OMA1: variants seen among roughly 807,000 people sequenced by gnomAD.
The protein encoded by OMA1 is OMA1 zinc metallopeptidase, also known as metalloendopeptidase OMA1, mitochondrial.
Under a neutral mutation model 30.9 loss-of-function variants are expected in OMA1, and 38 were observed. The observed-to-expected ratio is 1.23, with a 90% CI of 0.95 to 1.61. OMA1 has a LOEUF of 1.61. Ranked by LOEUF, OMA1 falls within the 40% of genes most tolerant of loss-of-function variation. The probability of loss-of-function intolerance (pLI) is 0.00; values close to 1 mark genes in which losing one functional copy is unlikely to be tolerated. For missense variants in OMA1, 461 were observed against 349.2 expected (o/e 1.32, Z -2.55); for synonymous variants, 173 against 121.9 (o/e 1.42, Z -2.76).
chr1:58,486,963 AG>A (rs1204868319), intron 8 of OMA1, among the ~76,000 whole-genome samples: 1 of 152,228 alleles, frequency 6.6e-6, no homozygotes, highest in Non-Finnish European at 1.5e-5. Flanking sequence ...TGGAAGACAT[AG>A]GAAGAGTCTG....
At chr1:58,518,860 T>G (rs938296378) in intron 7 of OMA1, among the ~76,000 whole-genome samples, 4 of 152,188 alleles carry the variant, frequency 2.6e-5, no homozygotes, top group African/African-American at 9.7e-5. Flanking sequence ...CTAAGAATTT[T>G]AATTATATTA....
chr1:58,530,468 A>G (rs1020440517), intron 6 of OMA1, 133 bp downstream of exon 6: 5 of 572,674 alleles, frequency 8.7e-6, no homozygotes, highest in African/African-American at 3.7e-5. Flanking sequence ...ACGAGAAAAC[A>G]TAAGACACTA....
intron 3 of OMA1, among the ~76,000 whole-genome samples, chr1:58,536,162 G>A (rs17506467): frequency 0.12 from 17,692 of 152,060 alleles, 1,230 homozygotes; most frequent in African/African-American, 0.18. Context: ...AGCAATGGGC[G>A]CAACTACAAA....
Position 58,539,063 on chromosome 1 carries a change from T to C in OMA1, c.232A>G (p.Arg78Gly), listed in dbSNP as rs776778354. 1.1e-6 allele frequency: 1 copy of C among 872,968 alleles called. No individual in the cohort carries two copies. The highest frequency in any genetic ancestry group is 1.3e-5 in the South Asian group (1 of 76,546). 54.1% of individuals were successfully genotyped at this position (872,968 alleles called of 1,614,324 possible). ...TTGGTACTTGAGAGGCCTCCTGTTC[T>C]TTTGTTGTTAAAAGTACTATAAAAA... ...FHFYSTFNNK[R>G]TGGLSSTKSK... Residue 78 changes from arginine (R) to glycine (G), a missense_variant, in exon 2 of 9, where the codon AGA becomes GGA. By Grantham distance (125) the Arg-to-Gly change is moderately radical (BLOSUM62 -2). Coordinates refer to ENST00000371226, the MANE Select transcript of OMA1 (RefSeq NM_145243.5).
chr1:58,489,325 CCA>C (rs1264716461), intron 8 of OMA1, among the ~76,000 whole-genome samples: 1 of 152,184 alleles, frequency 6.6e-6, no homozygotes, highest in Admixed American at 6.5e-5. Flanking sequence ...GGTCCTACGC[CCA>C]CAGAGCCTCG....
chr1:58,497,098 T>G (rs75329925), intron 8 of OMA1, among the ~76,000 whole-genome samples: 1 of 152,182 alleles, frequency 6.6e-6, no homozygotes, highest in Non-Finnish European at 1.5e-5. Flanking sequence ...CTTCCCAAAA[T>G]TTAATCTCTA....
rs941645098 is a variant in OMA1 at position 58,539,113 on chromosome 1, C to T, written c.182G>A (p.Trp61Ter). 2 of 872,798 alleles carry T rather than the reference C, an allele frequency of 2.3e-6. No homozygotes were observed. The highest frequency in any genetic ancestry group is 1.7e-5 in the Admixed American group (1 of 59,158). The allele number at this position is 872,798 out of a possible 1,614,324, so 54.1% of individuals were successfully genotyped here. ...QGLGVNQCDR[W>*]SFLPGNFHFY... is the part of the protein sequence containing the mutation. ...ATGAAAGTTTCCAGGCAGAAAACTC[C>T]ACCTGTCACACTGATTTACTCCCAG... Residue 61 changes from tryptophan (W) to a stop codon, truncating the protein, a stop_gained, in exon 2 of 9, where the codon TGG (tryptophan) becomes TAG (stop). Transcript: ENST00000371226. LOFTEE classifies it high-confidence loss of function.
At chr1:58,535,111 TGAAAG>T (rs771774739) in intron 3 of OMA1, among the ~76,000 whole-genome samples, 46 of 152,300 alleles carry the variant, frequency 3.0e-4, no homozygotes, top group Non-Finnish European at 3.5e-4. Context: ...ACTCACAGAT[TGAAAG>T]GAAATTACTG....
chr1:58,509,218 A>T (rs191785329), intron 7 of OMA1, among the ~76,000 whole-genome samples: 98 of 152,292 alleles, frequency 6.4e-4, no homozygotes, highest in South Asian at 2.1e-3. Context: ...AACTGACCCT[A>T]ATGAAAGAGA....
intron 1 of OMA1, among the ~76,000 whole-genome samples, chr1:58,540,282 G>GA (rs142462867): frequency 0.14 from 20,054 of 144,736 alleles, 1,474 homozygotes; most frequent in African/African-American, 0.2. Flanking sequence ...TGCATCCCAG[G>GA]AAAAAAAAAA....
intron 8 of OMA1, among the ~76,000 whole-genome samples, chr1:58,491,372 C>A (rs1645685691): frequency 1.3e-5 from 2 of 152,082 alleles, no homozygotes; most frequent in South Asian, 2.1e-4. Context: ...AGCAAAATAA[C>A]CAGCTAACAT....
chr1:58,531,741 G>T (rs1646437452), intron 5 of OMA1, among the ~76,000 whole-genome samples: 1 of 151,142 alleles, frequency 6.6e-6, no homozygotes, highest in Admixed American at 6.6e-5. Flanking sequence ...ACAGAGTCTT[G>T]CCCTGTTGCC....
At chr1:58,488,614 G>C (rs1035991971) in intron 8 of OMA1, among the ~76,000 whole-genome samples, 2 of 151,822 alleles carry the variant, frequency 1.3e-5, no homozygotes, top group African/African-American at 2.4e-5. Flanking sequence ...ACCATGTCTC[G>C]CTAATTTTTG....
At chr1:58,499,742 T>G (rs2100401877) in intron 8 of OMA1, among the ~76,000 whole-genome samples, 1 of 152,074 alleles carries the variant, frequency 6.6e-6, no homozygotes, top group Non-Finnish European at 1.5e-5. Flanking sequence ...TATTGAAACA[T>G]CATGCTGGAC....
intron 8 of OMA1, among the ~76,000 whole-genome samples, chr1:58,492,002 C>G (rs1463911559): frequency 6.6e-6 from 1 of 152,092 alleles, no homozygotes; most frequent in Non-Finnish European, 1.5e-5. Flanking sequence ...CAAAATTGAC[C>G]ACATAGTTGG....
intron 3 of OMA1, among the ~76,000 whole-genome samples, chr1:58,535,813 A>T (rs185205871): frequency 4.5e-4 from 68 of 152,260 alleles, no homozygotes; most frequent in Non-Finnish European, 8.4e-4. Context: ...AGACTTCTAA[A>T]TTATAACTTA....
chr1:58,489,019 C>A (rs570600735), intron 8 of OMA1, among the ~76,000 whole-genome samples: 1 of 152,230 alleles, frequency 6.6e-6, no homozygotes, highest in African/African-American at 2.4e-5. Context: ...GCGTCAGCGA[C>A]GCAGAAGACG....
intron 3 of OMA1, among the ~76,000 whole-genome samples, chr1:58,535,595 CAAA>C (rs11315198): frequency 1.5e-4 from 14 of 95,528 alleles, no homozygotes; most frequent in Non-Finnish European, 1.5e-4. Context: ...GTCTCTGTCT[CAAA>C]AAAAAAAAAA....
intron 7 of OMA1, among the ~76,000 whole-genome samples, chr1:58,522,537 A>G (rs904698145): frequency 3.3e-5 from 5 of 152,154 alleles, no homozygotes; most frequent in Non-Finnish European, 5.9e-5. Flanking sequence ...CCAACTTTGT[A>G]CTAAAGTTTT....
Sources: allele counts gnomAD v4.1 joint callset (sites outside exome capture counted in the v4.1 genomes callset), GRCh38; gene constraint gnomAD v4.1.1; transcripts MANE v1.5; gene names NCBI Gene and HGNC (gene_info 2026-07-23, HGNC 2026-07-21).